The following CP variants were observed in gnomAD, a reference collection of about 807,000 sequenced individuals.
CP encodes caeruloplasmin.
A neutral mutation model predicts 122.4 loss-of-function variants in CP; 64 were observed. That is an observed-to-expected ratio of 0.52 (90% CI 0.43 to 0.64). CP has a LOEUF of 0.64. Among genes scored for constraint, CP ranks in the 30% least tolerant of loss-of-function variants. The pLI is 0.00. For missense variants in CP, 1,167 were observed against 1,284.4 expected, an observed-to-expected ratio of 0.91 and a Z score of 1.40; for synonymous variants, 440 against 436.4, an observed-to-expected ratio of 1.01 and a Z score of -0.10.
chr3:149,169,352 C>G (rs868100316), downstream of CP, among the ~76,000 whole-genome samples: 5 of 152,006 alleles, frequency 3.3e-5, no homozygotes, highest in African/African-American at 1.2e-4. Flanking sequence ...ACTAAGTGTC[C>G]GAGAGCAACC....
chr3:149,216,677 A>G (rs1365874084), intron 1 of CP, among the ~76,000 whole-genome samples: 1 of 152,166 alleles, frequency 6.6e-6, no homozygotes, highest in Non-Finnish European at 1.5e-5. Context: ...GGTATATATA[A>G]CACAAATTCA....
intron 14 of CP, among the ~76,000 whole-genome samples, chr3:149,181,495 G>T (rs937863982): frequency 5.9e-5 from 9 of 152,040 alleles, no homozygotes; most frequent in African/African-American, 2.2e-4. Flanking sequence ...AGAAAAATAT[G>T]GTTCTTATTA....
In CP at chr3:149,209,403, T is replaced by A; in HGVS notation, c.608-19A>T. Reference sequence around the variant, plus strand: ...AGAGAATCTGGAGTTAAAGTTACTATTTTAGCAAGACTAAACTTTTAGCAT... The same window carrying A: ...AGAGAATCTGGAGTTAAAGTTACTAATTTAGCAAGACTAAACTTTTAGCAT... On this transcript the variant is annotated intron_variant, in intron 3 of 18. Transcript: ENST00000264613. 6.2e-7 allele frequency: 1 copy of A among 1,607,054 alleles called. No individual in the cohort carries two copies. Among genetic ancestry groups the A allele is most frequent in the Non-Finnish European group, 8.5e-7 (1 of 1,174,386 alleles).
downstream of CP, chr3:149,171,996 CG>C: frequency 8.2e-7 from 1 of 1,224,354 alleles, no homozygotes; most frequent in South Asian, 1.2e-5. Flanking sequence ...TGAGCCACCA[CG>C]CCTGGCCTGA....
At chr3:149,179,437 C>G (rs533386576) in intron 15 of CP, 119 bp downstream of exon 15, 1 of 790,418 alleles carries the variant, frequency 1.3e-6, no homozygotes, top group South Asian at 1.5e-5. Flanking sequence ...AGATTGCAAA[C>G]AGTTTATTTT....
chr3:149,177,330 C>A (rs1301827778), intron 17 of CP, among the ~76,000 whole-genome samples: 1 of 152,148 alleles, frequency 6.6e-6, no homozygotes, highest in Non-Finnish European at 1.5e-5. Context: ...CATGAAAATT[C>A]AGTTAAAAAT....
At chr3:149,199,674 A>G (rs778679566) in intron 8 of CP, 38 bp downstream of exon 8, 1 of 1,612,756 alleles carries the variant, frequency 6.2e-7, no homozygotes, top group East Asian at 2.2e-5. Context: ...GTGGGTTATT[A>G]AACATTGTTG....
intron 1 of CP, among the ~76,000 whole-genome samples, chr3:149,220,998 G>C (rs1413625157): frequency 1.3e-5 from 2 of 152,128 alleles, no homozygotes; most frequent in African/African-American, 4.8e-5. Context: ...AGACATTTAA[G>C]TTACATGGAG....
chr3:149,199,647 T>C (rs555971966), intron 8 of CP, 65 bp downstream of exon 8: 47 of 1,593,056 alleles, frequency 3.0e-5, no homozygotes, highest in Admixed American at 2.7e-4. Flanking sequence ...TGCAGCATAC[T>C]GTCAGTGACC....
At position 149,221,806 on chromosome 3, in the gene CP, T is replaced by A; in HGVS notation, c.-14A>T. 2 of 1,613,390 alleles carry A rather than the reference T, an allele frequency of 1.2e-6. No individual in the cohort carries two copies. The highest frequency in any genetic ancestry group is 1.7e-6 in the Non-Finnish European group (2 of 1,179,522). ...CAAAATCTTCATTTTTTTCCCCTTC[T>A]TGGAGCCTGAGAAGAAATGAAGTAA... On this transcript the variant is annotated 5_prime_UTR_variant, in exon 1 of 19. The change creates a new upstream start codon in the 5' untranslated region. Transcript: ENST00000264613.
intron 3 of CP, 28 bp downstream of exon 3, chr3:149,210,139 T>C (rs1288032028): frequency 3.7e-6 from 6 of 1,606,120 alleles, no homozygotes; most frequent in South Asian, 1.1e-5. Flanking sequence ...TTTGGTCATA[T>C]AGCATGTGCA....
In CP at chr3:149,176,426, A is replaced by G; in HGVS notation, c.3019-14T>C. On this transcript the variant is annotated splice_polypyrimidine_tract_variant and intron_variant, in intron 17 of 18. Transcript: ENST00000264613. ...AACTCCCCTGTGCTTAATTAGAAAA[A>G]TGACAAATAATGTATAATATTGTAT... 1.3e-6 allele frequency: 2 copies of G among 1,570,450 alleles called. No individual in the cohort carries two copies. The highest frequency in any genetic ancestry group is 1.8e-6 in the Non-Finnish European group (2 of 1,140,404).
chr3:149,212,319 T>TAA (rs199891253), intron 2 of CP, 132 bp downstream of exon 2: 7 of 886,868 alleles, frequency 7.9e-6, no homozygotes, highest in South Asian at 4.2e-5. Flanking sequence ...TAAAAAAAAA[T>TAA]AAAAAAAAAA....
intron 1 of CP, among the ~76,000 whole-genome samples, chr3:149,215,041 AC>A (rs1659954573): frequency 6.6e-6 from 1 of 152,132 alleles, no homozygotes; most frequent in East Asian, 1.9e-4. Flanking sequence ...GTCTGAACAC[AC>A]TTTTATTTCT....
At position 149,186,562 on chromosome 3, in the gene CP, G is replaced by C; in HGVS notation, c.2035C>G (p.Pro679Ala). 6.2e-7 allele frequency: 1 copy of C among 1,614,164 alleles called. No individual in the cohort carries two copies. Among genetic ancestry groups the C allele is most frequent in the Admixed American group, 1.7e-5 (1 of 60,020 alleles). ...GERRDTANLF[P>A]QTSLTLHMWP... ...ATGTGGAGCGTAAGACTTGTTTGAG[G>C]GAAGAGGTTTGCTGTGTCTCTCCGT... The change falls in exon 11 of 19, where the codon CCT becomes GCT. Residue 679 changes from proline (P) to alanine (A), a missense_variant. Physicochemically the swap from Pro to Ala is conservative, Grantham distance 27. Transcript: ENST00000264613.
chr3:149,167,774 G>A, downstream of CP: 1 of 721,698 alleles, frequency 1.4e-6, no homozygotes, highest in Non-Finnish European at 2.6e-6. Flanking sequence ...AAAGTTAGCT[G>A]CCTTAGACAA....
At chr3:149,210,527 A>C (rs1256183886) in intron 2 of CP, 148 bp from the exon 3 acceptor site, 7 of 748,456 alleles carry the variant, frequency 9.4e-6, no homozygotes, top group Non-Finnish European at 1.6e-5. Context: ...GGACACAGGA[A>C]AATGAAAGGC....
At chr3:149,168,197 C>T, downstream of CP, 1 of 528,008 alleles carries the variant, frequency 1.9e-6, no homozygotes, top group East Asian at 3.3e-5. Flanking sequence ...TTAACTTAAT[C>T]CTTTCAAACA....
At chr3:149,195,912 CTA>C (rs1726872680) in intron 9 of CP, among the ~76,000 whole-genome samples, 3 of 149,274 alleles carry the variant, frequency 2.0e-5, no homozygotes, top group Non-Finnish European at 3.0e-5. Flanking sequence ...AAAAAGGTAA[CTA>C]TGTGAGGTAT....
Sources: gnomAD v4.1 joint callset for allele counts (sites outside exome capture counted in the v4.1 genomes callset) on GRCh38, gnomAD v4.1.1 for gene constraint, MANE v1.5 for transcripts, NCBI Gene and HGNC (gene_info 2026-07-23, HGNC 2026-07-21) for gene names.